Variants in RAB33B observed in about 807,000 individuals in gnomAD.
RAB33B encodes the protein RAB33B, member RAS oncogene family.
A neutral mutation model predicts 15.0 loss-of-function variants in RAB33B; 6 were observed. That is an observed-to-expected ratio of 0.40 (90% confidence interval 0.22 to 0.79). The LOEUF is 0.79. Ranked by LOEUF, RAB33B falls within the 30% of genes least tolerant of loss-of-function variation. RAB33B has a pLI of 0.37. For missense variants in RAB33B, 257 were observed against 296.4 expected (o/e 0.87, Z 0.98); for synonymous variants, 117 against 108.3 (o/e 1.08, Z -0.50).
Position 139,454,131 on chromosome 4 carries a change from T to C in RAB33B, c.-65T>C. On this transcript the variant is annotated 5_prime_UTR_variant, in exon 1 of 2. Coordinates refer to ENST00000305626, the MANE Select transcript of RAB33B (RefSeq NM_031296.3). ...GCCGGCTGGGCGCGCGCTCTTGCGG[T>C]GGCGTAATCTCTCAGCCTTTCTGTG... 6.6e-7 allele frequency: 1 copy of C among 1,521,112 alleles called. No homozygotes were observed. Among genetic ancestry groups the C allele is most frequent in the Non-Finnish European group, 8.8e-7 (1 of 1,134,386 alleles). The allele number at this position is 1,521,112 out of a possible 1,614,324, so 94.2% of individuals were successfully genotyped here. A position where few individuals can be genotyped will look rare whatever the true frequency, so the allele number is the denominator to read the frequency against.
intron 1 of RAB33B, among the ~76,000 whole-genome samples, chr4:139,464,630 C>T (rs1750244594): frequency 6.6e-6 from 1 of 152,226 alleles, no homozygotes; most frequent in East Asian, 1.9e-4. Context: ...TGGGTGAGAA[C>T]ATGCGGTGTT....
chr4:139,444,942 G>A, the RAB33B span, among the ~76,000 whole-genome samples: 1 of 152,172 alleles, frequency 6.6e-6, no homozygotes. Context: ...GAGGGGTTGC[G>A]GAAATTAGTG....
Position 139,472,759 on chromosome 4 carries a change from A to C in RAB33B, c.323A>C (p.His108Pro). ...GTTCAGCACTACTACAGAAATGTACATGCTGTTGTCTTCGTGTATGATATG... is the reference window on the plus strand; with the variant it reads ...GTTCAGCACTACTACAGAAATGTACCTGCTGTTGTCTTCGTGTATGATATG... ...SMVQHYYRNV[H>P]AVVFVYDMTN... Residue 108 changes from histidine to proline, a missense_variant, in exon 2 of 2, where the codon CAT (histidine) becomes CCT (proline). Transcript: ENST00000305626. The C allele has an allele frequency of 6.2e-7, 1 of 1,613,960 alleles. No individual in the cohort carries two copies. Among genetic ancestry groups the C allele is most frequent in the Non-Finnish European group, 8.5e-7 (1 of 1,179,782 alleles).
the RAB33B span, among the ~76,000 whole-genome samples, chr4:139,439,225 C>T: frequency 6.6e-6 from 1 of 152,202 alleles, no homozygotes; most frequent in South Asian, 2.1e-4. Flanking sequence ...TGGTTTGGAT[C>T]TCCTGACCTC....
chr4:139,454,619 TC>T (rs934557642), intron 1 of RAB33B, among the ~76,000 whole-genome samples, 175 bp downstream of exon 1: 4 of 152,224 alleles, frequency 2.6e-5, no homozygotes, highest in African/African-American at 9.6e-5. Context: ...AGGCAGCGTT[TC>T]TCAGACTTCA....
chr4:139,446,839 G>A, the RAB33B span, among the ~76,000 whole-genome samples: 1 of 152,170 alleles, frequency 6.6e-6, no homozygotes, highest in South Asian at 2.1e-4. Context: ...ACTGCAGAGT[G>A]CCCAATTTGC....
At chr4:139,441,943 T>C in the RAB33B span, among the ~76,000 whole-genome samples, 1 of 152,208 alleles carries the variant, frequency 6.6e-6, no homozygotes, top group African/African-American at 2.4e-5. Flanking sequence ...AAACATCTAA[T>C]ATTGTGACTT....
At chr4:139,442,153 C>A in the RAB33B span, among the ~76,000 whole-genome samples, 1 of 152,032 alleles carries the variant, frequency 6.6e-6, no homozygotes, top group Non-Finnish European at 1.5e-5. Flanking sequence ...GTGCTGTTAA[C>A]AGAGTGTGTA....
chr4:139,438,442 C>G, the RAB33B span, among the ~76,000 whole-genome samples: 1 of 152,160 alleles, frequency 6.6e-6, no homozygotes, highest in Non-Finnish European at 1.5e-5. Flanking sequence ...CAGTGACTTC[C>G]CCCGCCCCTT....
intron 1 of RAB33B, among the ~76,000 whole-genome samples, chr4:139,462,748 T>A (rs1750199089): frequency 6.6e-6 from 1 of 152,232 alleles, no homozygotes; most frequent in Admixed American, 6.5e-5. Flanking sequence ...CTACTGATTC[T>A]GAGTGCTGCC....
chr4:139,442,188 G>C, the RAB33B span, among the ~76,000 whole-genome samples: 4 of 152,034 alleles, frequency 2.6e-5, no homozygotes, highest in African/African-American at 9.7e-5. Flanking sequence ...TTTTTTGGGT[G>C]TAATTTTAAA....
intron 1 of RAB33B, among the ~76,000 whole-genome samples, chr4:139,459,005 T>G (rs186942426): frequency 7.9e-4 from 120 of 152,274 alleles, no homozygotes; most frequent in Non-Finnish European, 1.4e-3. Flanking sequence ...CTCTCATGAT[T>G]AGTGATGTTG....
At chr4:139,457,586 G>A (rs1033324550) in intron 1 of RAB33B, among the ~76,000 whole-genome samples, 1 of 152,112 alleles carries the variant, frequency 6.6e-6, no homozygotes, top group African/African-American at 2.4e-5. Flanking sequence ...AAAATAATCA[G>A]GACCTCTCCC....
rs974709587 is a variant in RAB33B, at chr4:139,473,232, C to A, written c.*106C>A. 5 of 993,920 alleles carry A rather than the reference C, an allele frequency of 5.0e-6. No homozygotes were observed. In the African/African-American group the frequency reaches 6.5e-5, roughly 13 times the overall value. The allele number at this position is 993,920 out of a possible 1,614,324, so 61.6% of individuals were successfully genotyped here. A position where few individuals can be genotyped will look rare whatever the true frequency, so the allele number is the denominator to read the frequency against. ...TCTCAACTATAATGGGTCATCTTGACACTTTGCTGTTTGTCATTGTCACGC... is the reference window on the plus strand; with the variant it reads ...TCTCAACTATAATGGGTCATCTTGAAACTTTGCTGTTTGTCATTGTCACGC... On this transcript the variant is annotated 3_prime_UTR_variant, in exon 2 of 2. Coordinates refer to ENST00000305626, the MANE Select transcript of RAB33B (RefSeq NM_031296.3).
the RAB33B span, among the ~76,000 whole-genome samples, chr4:139,439,364 T>C: frequency 2.6e-5 from 4 of 152,246 alleles, no homozygotes; most frequent in African/African-American, 7.2e-5. Context: ...TATTAGCTCA[T>C]TGTCTTCTGG....
In RAB33B at chr4:139,454,213, G is replaced by A. The variant is rs1750015980; in HGVS notation, c.18G>A (p.Glu6=). 1 of 1,613,200 alleles carries A rather than the reference G, an allele frequency of 6.2e-7. No homozygotes were observed. Among genetic ancestry groups the A allele is most frequent in the Non-Finnish European group, 8.5e-7 (1 of 1,179,516 alleles). Residue 6 remains glutamate (E), a synonymous_variant, in exon 1 of 2, where the codon GAG becomes GAA. Transcript: ENST00000305626. MAEEM[E]SSLEASFSSS... ...TCGGGGGAATGGCTGAGGAGATGGA[G>A]TCGTCGCTCGAGGCAAGCTTTTCGT...
intron 1 of RAB33B, among the ~76,000 whole-genome samples, chr4:139,461,221 C>T (rs1023891077): frequency 1.3e-5 from 2 of 152,080 alleles, no homozygotes; most frequent in East Asian, 1.9e-4. Context: ...ATTGGTCAGA[C>T]GTAGGTCACA....
chr4:139,453,719 G>A (rs117063513), upstream of RAB33B: 1,791 of 152,922 alleles, frequency 0.012, 12 homozygotes, highest in East Asian at 0.03. Flanking sequence ...CGTCAAAGGC[G>A]GCTCTGCGGC....
the RAB33B span, among the ~76,000 whole-genome samples, chr4:139,442,720 G>A: frequency 6.6e-6 from 1 of 152,178 alleles, no homozygotes; most frequent in Non-Finnish European, 1.5e-5. Context: ...GCAGCTTGCA[G>A]ATGGCCTATT....
Sources: allele counts gnomAD v4.1 joint callset (sites outside exome capture counted in the v4.1 genomes callset), GRCh38; gene constraint gnomAD v4.1.1; transcripts MANE v1.5; gene names NCBI Gene and HGNC (gene_info 2026-07-23, HGNC 2026-07-21).